TMEM80: variants seen among roughly 807,000 people sequenced by gnomAD.
TMEM80 encodes the protein transmembrane protein 80.
TMEM80 carries 16 observed loss-of-function variants against 13.6 expected under a neutral mutation model. The ratio of observed to expected loss-of-function variants is 1.17; its 90% confidence interval spans 0.79 to 1.78. TMEM80 has a LOEUF of 1.78. TMEM80 is among the 40% of genes most tolerant of loss of function. The pLI, the probability that TMEM80 is intolerant of heterozygous loss-of-function variation, is 0.00. For missense variants in TMEM80, 167 were observed against 184.6 expected (o/e 0.90, Z 0.55); for synonymous variants, 92 against 89.5 (o/e 1.03, Z -0.16).
At chr11:698,121 C>A (rs1448896341) in intron 1 of TMEM80, 1 of 152,414 alleles carries the variant, frequency 6.6e-6, no homozygotes, top group Non-Finnish European at 1.5e-5. Context: ...ATTGAGGTAT[C>A]TACACATGGA....
At chr11:698,433 TC>T (rs1298681930) in intron 1 of TMEM80, among the ~76,000 whole-genome samples, 1 of 152,250 alleles carries the variant, frequency 6.6e-6, no homozygotes, top group East Asian at 1.9e-4. Context: ...AAATGTCTCA[TC>T]AATCATGAAA....
At chr11:704,526 G>A (rs182094319), downstream of TMEM80, 6,488 of 1,289,406 alleles carry the variant, frequency 5.0e-3, 27 homozygotes, top group Non-Finnish European at 6.0e-3. Context: ...CCTCACCAGC[G>A]CCTGCACTCG....
intron 1 of TMEM80, among the ~76,000 whole-genome samples, chr11:696,869 C>G (rs895219822): frequency 6.7e-6 from 1 of 148,720 alleles, no homozygotes; most frequent in Non-Finnish European, 1.5e-5. Context: ...CACCTGAGGT[C>G]GAGGGTTCAA....
intron 4 of TMEM80, among the ~76,000 whole-genome samples, chr11:701,645 C>G (rs7121166): frequency 0.039 from 5,866 of 151,894 alleles, 355 homozygotes; most frequent in African/African-American, 0.13. Flanking sequence ...TCCTGACCTC[C>G]TGATCCGCCC....
chr11:701,618 C>T (rs1861490598), intron 4 of TMEM80, among the ~76,000 whole-genome samples: 2 of 151,810 alleles, frequency 1.3e-5, no homozygotes, highest in Admixed American at 1.3e-4. Context: ...ACCATGTTAG[C>T]CAGGATGGTT....
At chr11:704,434 GC>G, downstream of TMEM80, 1 of 1,288,358 alleles carries the variant, frequency 7.8e-7, no homozygotes, top group Non-Finnish European at 1.0e-6. Flanking sequence ...CCTGTCTGTG[GC>G]CCCCAGTGGC....
At chr11:697,007 G>A (rs1861211554) in intron 1 of TMEM80, among the ~76,000 whole-genome samples, 1 of 150,802 alleles carries the variant, frequency 6.6e-6, no homozygotes, top group Non-Finnish European at 1.5e-5. Context: ...CGAACCCGGT[G>A]GTGGTGGTGG....
chr11:701,723 G>A (rs10902200), intron 4 of TMEM80, among the ~76,000 whole-genome samples: 121,520 of 151,894 alleles, frequency 0.8, 48,965 homozygotes, highest in Non-Finnish European at 0.86. Context: ...ACAGGGTTTC[G>A]CTATGTTACC....
In TMEM80 at chr11:704,038, G is replaced by A. The variant is rs939616731; in HGVS notation, c.*888G>A. The stretch of plus-strand genomic sequence containing the variant: ...TTCCCTTCACTTGATTCTATTGTGT[G>A]TTTTCTATGTTTGGAATAATTACAC... On this transcript the variant is annotated 3_prime_UTR_variant, in exon 5 of 5. Coordinates refer to ENST00000397510, the MANE Select transcript of TMEM80 (RefSeq NM_001042463.3). 4.2e-6 allele frequency: 5 copies of A among 1,180,700 alleles called. No individual in the cohort carries two copies. The African/African-American group carries it at 7.9e-5, about 19-fold the overall frequency. The allele number at this position is 1,180,700 out of a possible 1,614,324, so 73.1% of individuals were successfully genotyped here.
Position 703,777 on chromosome 11 carries a change from C to G in TMEM80, c.*627C>G. The G allele has an allele frequency of 1.6e-6, 2 of 1,233,132 alleles. No individual in the cohort carries two copies. Among genetic ancestry groups the G allele is most frequent in the Non-Finnish European group, 2.0e-6 (2 of 989,038 alleles). The allele number at this position is 1,233,132 out of a possible 1,614,324, so 76.4% of individuals were successfully genotyped here. A position where few individuals can be genotyped will look rare whatever the true frequency, so the allele number is the denominator to read the frequency against. Reference sequence around the variant, plus strand: ...AGCTCTGCTGCCTAGCAATTTCCATCTTAGCCACACTTCTCCCTTCAGGGG... The same window carrying G: ...AGCTCTGCTGCCTAGCAATTTCCATGTTAGCCACACTTCTCCCTTCAGGGG... On this transcript the variant is annotated 3_prime_UTR_variant, in exon 5 of 5. Coordinates refer to ENST00000397510, the MANE Select transcript of TMEM80 (RefSeq NM_001042463.3).
chr11:702,171 C>A (rs1235217520), intron 4 of TMEM80, among the ~76,000 whole-genome samples: 1 of 152,204 alleles, frequency 6.6e-6, no homozygotes, highest in Non-Finnish European at 1.5e-5. Context: ...GCCTCAGACA[C>A]ACTAGGAGGA....
downstream of TMEM80, chr11:704,930 T>G: frequency 5.8e-6 from 2 of 347,384 alleles, no homozygotes; most frequent in South Asian, 4.4e-5. Context: ...ACCGAGGGGT[T>G]GGCGTGTGTG....
chr11:698,314 G>A (rs1431800341), intron 1 of TMEM80, among the ~76,000 whole-genome samples: 2 of 152,082 alleles, frequency 1.3e-5, no homozygotes, highest in African/African-American at 2.4e-5. Flanking sequence ...GGTGGGGGTG[G>A]GAGAAGGCCC....
chr11:698,992 T>C, intron 2 of TMEM80, 104 bp downstream of exon 2: 1 of 1,397,158 alleles, frequency 7.2e-7, no homozygotes, highest in Non-Finnish European at 1.0e-6. Flanking sequence ...TTCTGTCTAG[T>C]AATTCCACTT....
In TMEM80 at chr11:703,626, G is replaced by C; in HGVS notation, c.*476G>C. The C allele has an allele frequency of 8.1e-7, 1 of 1,232,766 alleles. No homozygotes were observed. Among genetic ancestry groups the C allele is most frequent in the East Asian group, 3.2e-5 (1 of 31,724 alleles). 76.4% of individuals were successfully genotyped at this position (1,232,766 alleles called of 1,614,324 possible). Reference sequence around the variant, plus strand: ...CAGGCCCCACCTGTGTTTCCAAGTCGGGCTGGAGACGCAGGATGGGGTAGG... The same window carrying C: ...CAGGCCCCACCTGTGTTTCCAAGTCCGGCTGGAGACGCAGGATGGGGTAGG... On this transcript the variant is annotated 3_prime_UTR_variant, in exon 5 of 5. Transcript: ENST00000397510.
intron 4 of TMEM80, among the ~76,000 whole-genome samples, chr11:701,333 C>T (rs1422645359): frequency 6.6e-6 from 1 of 151,824 alleles, no homozygotes; most frequent in African/African-American, 2.4e-5. Context: ...GGATTACAGG[C>T]ACCTGCCACC....
chr11:699,014 G>C, intron 2 of TMEM80, 126 bp downstream of exon 2: 1 of 1,156,008 alleles, frequency 8.7e-7, no homozygotes. Flanking sequence ...GGAGAGGGGG[G>C]TGTTCCTTGA....
In TMEM80 at chr11:700,843, C is replaced by T. The variant is rs114203107; in HGVS notation, c.226+136C>T. 2,564 of 824,976 alleles carry T rather than the reference C, an allele frequency of 3.1e-3. 28 individuals carry two copies. The African/African-American group carries it at 0.036, about 12-fold the overall frequency. 51.1% of individuals were successfully genotyped at this position (824,976 alleles called of 1,614,324 possible). Reference sequence around the variant, plus strand: ...CCAAACTGCTTACCCAGTTGCTTTGCAGGCTCACCTTACAGTGTCATTAAG... The same window carrying T: ...CCAAACTGCTTACCCAGTTGCTTTGTAGGCTCACCTTACAGTGTCATTAAG... On this transcript the variant is annotated intron_variant, in intron 4 of 4. Transcript: ENST00000397510.
chr11:704,384 C>T (rs576874419), downstream of TMEM80: 138 of 1,140,926 alleles, frequency 1.2e-4, no homozygotes, highest in East Asian at 6.4e-3. Flanking sequence ...TTCGTGGAAG[C>T]GGTGGGAGCA....
Sources: allele counts gnomAD v4.1 joint callset (sites outside exome capture counted in the v4.1 genomes callset), GRCh38; gene constraint gnomAD v4.1.1; transcripts MANE v1.5; gene names NCBI Gene and HGNC (gene_info 2026-07-23, HGNC 2026-07-21).